The following SIDT1 variants were observed in gnomAD, a reference collection of about 807,000 sequenced individuals.
SIDT1 encodes the protein SID1 transmembrane family member 1.
A neutral mutation model predicts 107.5 loss-of-function variants in SIDT1; 101 were observed. The observed-to-expected ratio is 0.94, with a 90% CI of 0.80 to 1.11. The LOEUF (loss-of-function observed/expected upper bound fraction) is 1.11, where lower values mean the gene tolerates loss of function less well. Among genes scored for constraint, SIDT1 ranks in the 50% least tolerant of loss-of-function variants. SIDT1 has a pLI of 0.00. For synonymous variants in SIDT1, 395 were observed against 398.2 expected, an observed-to-expected ratio of 0.99 and a Z score of 0.10; for missense variants, 1,076 against 1,058.2, an observed-to-expected ratio of 1.02 and a Z score of -0.23.
intron 1 of SIDT1, among the ~76,000 whole-genome samples, chr3:113,562,395 A>G (rs888654035): frequency 2.4e-4 from 36 of 152,250 alleles, no homozygotes; most frequent in African/African-American, 8.2e-4. Context: ...GAAAATATAC[A>G]TTCATACAAA....
At chr3:113,536,296 C>A (rs4580515) in intron 1 of SIDT1, among the ~76,000 whole-genome samples, 4 of 152,052 alleles carry the variant, frequency 2.6e-5, no homozygotes, top group Non-Finnish European at 5.9e-5. Context: ...AGATGTATGA[C>A]CCCAGACCTA....
chr3:113,532,956 G>C lies in SIDT1; in HGVS notation c.-66G>C. On this transcript the variant is annotated 5_prime_UTR_variant, in exon 1 of 25. Coordinates refer to ENST00000264852, the MANE Select transcript of SIDT1 (RefSeq NM_017699.3). Reference sequence around the variant, plus strand: ...CTGGCCCTGCACCGGGCTTTGGAAGGACCCTCTCTGCGCTCGCCCCCTCCC... The same window carrying C: ...CTGGCCCTGCACCGGGCTTTGGAAGCACCCTCTCTGCGCTCGCCCCCTCCC... 7 of 1,129,242 alleles carry C rather than the reference G, an allele frequency of 6.2e-6. No individual in the cohort carries two copies. Among genetic ancestry groups the C allele is most frequent in the Non-Finnish European group, 8.0e-6 (7 of 871,168 alleles). 70.0% of individuals were successfully genotyped at this position (1,129,242 alleles called of 1,614,324 possible). A position where few individuals can be genotyped will look rare whatever the true frequency, so the allele number is the denominator to read the frequency against.
At chr3:113,604,093 A>G in intron 13 of SIDT1, 60 bp downstream of exon 13, 1 of 1,202,944 alleles carries the variant, frequency 8.3e-7, no homozygotes. Flanking sequence ...TCTTAGTCAG[A>G]GCCACAACCA....
chr3:113,539,397 C>A lies in SIDT1; in HGVS notation c.222+6154C>A, dbSNP rs376980986. Among the ~76,000 whole-genome samples the A allele has an allele frequency of 4.3e-4, 66 of 152,284 alleles. No individual in the cohort carries two copies. In the South Asian group the frequency reaches 0.011, roughly 24 times the overall value. On this transcript the variant is annotated intron_variant, in intron 1 of 24. Transcript: ENST00000264852. The stretch of plus-strand genomic sequence containing the variant: ...CTTTCTTGAATGAAGTTATTCCTTT[C>A]CCCAACCTGCAACCAGTCATTTCTG...
chr3:113,598,294 C>A (rs905759557), intron 10 of SIDT1, among the ~76,000 whole-genome samples: 5 of 152,216 alleles, frequency 3.3e-5, no homozygotes, highest in Admixed American at 2.6e-4. Context: ...GTGAAGTTGT[C>A]ACCTAACAAA....
At chr3:113,614,420 T>A (rs1945962912) in intron 19 of SIDT1, among the ~76,000 whole-genome samples, 1 of 152,214 alleles carries the variant, frequency 6.6e-6, no homozygotes, top group Non-Finnish European at 1.5e-5. Context: ...TCCGTACCCA[T>A]GGAGTCTTCC....
intron 23 of SIDT1, among the ~76,000 whole-genome samples, chr3:113,624,491 C>T (rs960907871): frequency 1.2e-4 from 18 of 152,164 alleles, no homozygotes; most frequent in African/African-American, 4.3e-4. Flanking sequence ...ATTTTATCTA[C>T]CTGCTCATCA....
intron 1 of SIDT1, among the ~76,000 whole-genome samples, chr3:113,554,258 C>T (rs886928650): frequency 8.5e-5 from 13 of 152,204 alleles, no homozygotes; most frequent in South Asian, 8.3e-4. Flanking sequence ...GATAGTCTCA[C>T]GATTTATTGC....
At chr3:113,536,260 A>G (rs1469229890) in intron 1 of SIDT1, among the ~76,000 whole-genome samples, 1 of 152,026 alleles carries the variant, frequency 6.6e-6, no homozygotes, top group Non-Finnish European at 1.5e-5. Context: ...CTTATCCTAC[A>G]CTCACTAAGA....
downstream of SIDT1, among the ~76,000 whole-genome samples, chr3:113,631,898 C>A (rs539095841): frequency 4.6e-5 from 7 of 152,242 alleles, no homozygotes; most frequent in Admixed American, 1.3e-4. Flanking sequence ...AGAAAAGATC[C>A]CTGCCTTCTT....
intron 1 of SIDT1, among the ~76,000 whole-genome samples, chr3:113,552,589 G>A (rs751159301): frequency 2.0e-5 from 3 of 152,136 alleles, no homozygotes; most frequent in Non-Finnish European, 4.4e-5. Flanking sequence ...TACGCTGCAG[G>A]AAATTATAGC....
intron 3 of SIDT1, 114 bp downstream of exon 3, chr3:113,567,824 T>C (rs1319340450): frequency 6.3e-6 from 7 of 1,110,960 alleles, no homozygotes; most frequent in Admixed American, 2.2e-5. Context: ...ACTTAGCATA[T>C]GATTTTAGCA....
intron 1 of SIDT1, among the ~76,000 whole-genome samples, chr3:113,563,498 T>C (rs1436348197): frequency 1.3e-5 from 2 of 152,214 alleles, no homozygotes; most frequent in Non-Finnish European, 2.9e-5. Flanking sequence ...AGCCTCTAGA[T>C]CTAACTACCA....
rs775119193 is a variant in SIDT1, at chr3:113,576,908, C to T, written c.516-14C>T. 15 of 1,613,896 alleles carry T rather than the reference C, an allele frequency of 9.3e-6. No homozygotes were observed. The African/African-American group carries it at 1.7e-4, about 19-fold the overall frequency. On this transcript the variant is annotated splice_polypyrimidine_tract_variant and intron_variant, in intron 3 of 24. Transcript: ENST00000264852. ...CACTTTTCCCCTTTCCCTTCTGCCACTTACGTTTCTCAGGACAAATGTTGC... is the reference window on the plus strand; with the variant it reads ...CACTTTTCCCCTTTCCCTTCTGCCATTTACGTTTCTCAGGACAAATGTTGC...
At chr3:113,578,289 C>A (rs1299148198) in intron 4 of SIDT1, among the ~76,000 whole-genome samples, 2 of 151,400 alleles carry the variant, frequency 1.3e-5, no homozygotes, top group East Asian at 3.9e-4. Context: ...CACGGTGAAA[C>A]GTCGTCTCTA....
chr3:113,555,861 T>C (rs868767475), intron 1 of SIDT1, among the ~76,000 whole-genome samples: 2,039 of 151,672 alleles, frequency 0.013, 50 homozygotes, highest in African/African-American at 0.047. Flanking sequence ...TTTTTTTTTT[T>C]TTTTTTGCCC....
At chr3:113,556,823 T>TTTTTTTC (rs1168454026) in intron 1 of SIDT1, among the ~76,000 whole-genome samples, 1 of 121,962 alleles carries the variant, frequency 8.2e-6, no homozygotes, top group Non-Finnish European at 1.7e-5. Context: ...TTCTTTTTCT[T>TTTTTTTC]TTTTTTTTTT....
rs1021373232 is a variant in SIDT1 at position 113,533,387 on chromosome 3, G to A, written c.222+144G>A. On this transcript the variant is annotated intron_variant, in intron 1 of 24. Transcript: ENST00000264852. ...TTTCCCTTTCTCCTCCGAAGCAATC[G>A]CTGCCCTGCCCTAGCTGCCTCAACA... 28 of 610,352 alleles carry A rather than the reference G, an allele frequency of 4.6e-5. No homozygotes were observed. The Middle Eastern group carries it at 1.1e-3, about 23-fold the overall frequency. The allele number at this position is 610,352 out of a possible 1,614,324, so 37.8% of individuals were successfully genotyped here. A position where few individuals can be genotyped will look rare whatever the true frequency, so the allele number is the denominator to read the frequency against.
At chr3:113,621,424 G>A (rs1387492716) in intron 21 of SIDT1, among the ~76,000 whole-genome samples, 1 of 151,346 alleles carries the variant, frequency 6.6e-6, no homozygotes, top group Admixed American at 6.6e-5. Flanking sequence ...GGGCAACATG[G>A]TGAGACCCTC....
Sources: allele counts gnomAD v4.1 joint callset (sites outside exome capture counted in the v4.1 genomes callset), GRCh38; gene constraint gnomAD v4.1.1; transcripts MANE v1.5; gene names NCBI Gene and HGNC (gene_info 2026-07-23, HGNC 2026-07-21).